PCBP3: variants seen among roughly 807,000 people sequenced by gnomAD.
The protein encoded by PCBP3 is poly(rC) binding protein 3, also known as poly(rC)-binding protein 3.
PCBP3 carries 25 observed loss-of-function variants against 52.7 expected under a neutral mutation model. The ratio of observed to expected loss-of-function variants is 0.47; its 90% CI spans 0.35 to 0.66. PCBP3 has a LOEUF of 0.66. Ranked by LOEUF, PCBP3 falls within the 30% of genes least tolerant of loss-of-function variation. The pLI is 0.01. For missense variants in PCBP3, 391 were observed against 490.3 expected (o/e 0.80, Z 1.91); for synonymous variants, 162 against 183.0 (o/e 0.89, Z 0.93).
intron 9 of PCBP3, among the ~76,000 whole-genome samples, chr21:45,908,265 G>A (rs937219116): frequency 4.6e-5 from 7 of 152,100 alleles, no homozygotes; most frequent in Non-Finnish European, 7.4e-5. Flanking sequence ...CCATGAGAGC[G>A]GGTGGCAGGA....
At chr21:45,679,222 G>A (rs1003560395) in intron 2 of PCBP3, among the ~76,000 whole-genome samples, 1 of 151,890 alleles carries the variant, frequency 6.6e-6, no homozygotes, top group Non-Finnish European at 1.5e-5. Flanking sequence ...CTGGGTTCAA[G>A]CGATTGTCCT....
In PCBP3 at chr21:45,909,381, C is replaced by T; in HGVS notation, c.366C>T (p.Ser122=). The T allele has an allele frequency of 1.9e-6, 3 of 1,613,276 alleles. No individual in the cohort carries two copies. Among genetic ancestry groups the T allele is most frequent in the Non-Finnish European group, 1.7e-6 (2 of 1,179,762 alleles). ...EEDIINSMSN[S]PATSKPPVTL... ...ATATCATCAACTCCATGAGCAACAG[C>T]CCTGCCACCAGCAAGCCCCCAGTGA... is the stretch of plus-strand genomic sequence containing the variant. Residue 122 remains serine (S), a synonymous_variant, in exon 10 of 18, where the codon AGC becomes AGT. Transcript: ENST00000681687.
chr21:45,694,930 GT>G (rs1275763912), intron 2 of PCBP3, among the ~76,000 whole-genome samples: 2 of 151,874 alleles, frequency 1.3e-5, no homozygotes, highest in African/African-American at 2.4e-5. Flanking sequence ...TCAGCAATTT[GT>G]TTTTTTTAGG....
chr21:45,741,140 TG>T lies in PCBP3; in HGVS notation c.-162+5714del, dbSNP rs1368808969. 1.3e-5 allele frequency among the ~76,000 whole-genome samples: 2 copies of T among 151,846 alleles called. No homozygotes were observed. Among genetic ancestry groups the T allele is most frequent in the Non-Finnish European group, 2.9e-5 (2 of 67,940 alleles). On this transcript the variant is annotated intron_variant, in intron 3 of 17. Transcript: ENST00000681687. This position sits in a 1 kb window ranked among gnomAD's most constrained non-coding sequence, Gnocchi z 4.5. ...GGAGGGAGGGAAAGGAGCCACTTGG[TG>T]GGTGAGGAAGCTGGACGCTGGGGCC...
At chr21:45,913,806 C>T (rs2096451963) in intron 11 of PCBP3, 145 bp from the exon 12 acceptor site, 4 of 718,378 alleles carry the variant, frequency 5.6e-6, no homozygotes, top group Non-Finnish European at 9.2e-6. Context: ...TCCCCTCCCC[C>T]AGCACTGCTG....
At chr21:45,668,225 T>C (rs1603213207) in intron 1 of PCBP3, among the ~76,000 whole-genome samples, 2 of 152,296 alleles carry the variant, frequency 1.3e-5, no homozygotes, top group South Asian at 2.1e-4. Context: ...TCCAGAAATA[T>C]ACAGTTTTTA....
intron 1 of PCBP3, among the ~76,000 whole-genome samples, chr21:45,659,337 CTTT>C (rs36113182): frequency 8.9e-5 from 7 of 78,734 alleles, no homozygotes; most frequent in Non-Finnish European, 1.7e-4. Flanking sequence ...TTTTACTTTC[CTTT>C]TTTTTTTTTT....
intron 2 of PCBP3, among the ~76,000 whole-genome samples, chr21:45,682,785 G>A (rs2081929660): frequency 6.6e-6 from 1 of 152,170 alleles, no homozygotes; most frequent in Non-Finnish European, 1.5e-5. Context: ...CAAATGGGAA[G>A]TGAAACATGC....
At position 45,898,848 on chromosome 21, in the gene PCBP3, CCT is replaced by C. The variant is rs764080756; in HGVS notation, c.166-743_166-742del. ...CTCTGCACGCCGTCCTCACGGCCTC[CCT>C]CTCTCTCCACGGGCCCCTCTGCACG... On this transcript the variant is annotated intron_variant, in intron 6 of 17. Transcript: ENST00000681687. Among the ~76,000 whole-genome samples, 549 of 144,846 alleles carry C rather than the reference CCT, an allele frequency of 3.8e-3. 4 individuals are homozygous for C. Among genetic ancestry groups the C allele is most frequent in the Non-Finnish European group, 6.7e-3 (445 of 65,934 alleles).
chr21:45,747,081 G>A (rs544791663), intron 3 of PCBP3, among the ~76,000 whole-genome samples: 1 of 152,334 alleles, frequency 6.6e-6, no homozygotes, highest in East Asian at 1.9e-4. Context: ...AAGAAAAAGA[G>A]GTTTAGGGGA....
chr21:45,679,010 C>G (rs115617105), intron 2 of PCBP3, among the ~76,000 whole-genome samples: 1 of 151,780 alleles, frequency 6.6e-6, no homozygotes, highest in South Asian at 2.1e-4. Flanking sequence ...TCAGCAGCCA[C>G]CAACATCCAG....
intron 4 of PCBP3, among the ~76,000 whole-genome samples, chr21:45,815,164 A>G (rs868625389): frequency 0.021 from 193 of 9,408 alleles, no homozygotes; most frequent in African/African-American, 0.039. Flanking sequence ...AGTGGTGAGT[A>G]GTGAGTGGTG....
chr21:45,761,236 CTT>C (rs1348486898), intron 4 of PCBP3: 1 of 152,194 alleles, frequency 6.6e-6, no homozygotes, highest in Non-Finnish European at 1.5e-5. Flanking sequence ...ACTCTGAAGA[CTT>C]ATTTCTTCAG....
chr21:45,888,710 G>A (rs980482614), intron 5 of PCBP3, among the ~76,000 whole-genome samples: 50 of 152,368 alleles, frequency 3.3e-4, no homozygotes, highest in African/African-American at 1.2e-3. Flanking sequence ...GAGTGAAGCT[G>A]AAATGAATAA....
chr21:45,724,805 C>G lies in PCBP3; in HGVS notation c.-199-10587C>G, dbSNP rs1487274202. 6.6e-6 allele frequency among the ~76,000 whole-genome samples: 1 copy of G among 151,998 alleles called. No individual in the cohort carries two copies. On this transcript the variant is annotated intron_variant, in intron 2 of 17. Transcript: ENST00000681687. The surrounding 1 kb of genome is among the most constrained non-coding windows in gnomAD (Gnocchi z 5.3). ...GTTTTCAGGCTGTTGGGCCGTGAGG[C>G]TGCTCTGGTCTGAGAAAGTGGGTGG...
Position 45,853,810 on chromosome 21 carries a change from G to A in PCBP3, c.10+3715G>A, listed in dbSNP as rs1210464865. 2.6e-5 allele frequency among the ~76,000 whole-genome samples: 4 copies of A among 152,314 alleles called. No homozygotes were observed. The East Asian group carries it at 7.7e-4, about 29-fold the overall frequency. On this transcript the variant is annotated intron_variant, in intron 5 of 17. Transcript: ENST00000681687. The surrounding 1 kb of genome is among the most constrained non-coding windows in gnomAD (Gnocchi z 4.6). ...CAAGAGCATATGTGAGTAAGAGTCA[G>A]GCACTCGGTGTTTTAGAATGGGCTC...
intron 2 of PCBP3, among the ~76,000 whole-genome samples, chr21:45,719,301 C>T (rs1463912668): frequency 6.6e-6 from 1 of 152,074 alleles, no homozygotes; most frequent in Non-Finnish European, 1.5e-5. Flanking sequence ...AGCAAGTGTT[C>T]TCAGGGAGGC....
chr21:45,911,115 C>A, intron 11 of PCBP3, 85 bp downstream of exon 11: 1 of 1,491,340 alleles, frequency 6.7e-7, no homozygotes, highest in Non-Finnish European at 9.2e-7. Context: ...AAGCCCCGGT[C>A]GCCCCAAGGA....
At chr21:45,920,673 A>G (rs2074318934) in intron 13 of PCBP3, among the ~76,000 whole-genome samples, 1 of 152,166 alleles carries the variant, frequency 6.6e-6, no homozygotes, top group Non-Finnish European at 1.5e-5. Context: ...TGCCCCTATA[A>G]CAGAGGCCTC....
Sources: gnomAD v4.1 joint callset for allele counts (sites outside exome capture counted in the v4.1 genomes callset) on GRCh38, gnomAD v4.1.1 for gene constraint, Gnocchi (gnomAD v3.1) non-coding constraint, MANE v1.5 for transcripts, NCBI Gene and HGNC (gene_info 2026-07-23, HGNC 2026-07-21) for gene names.